Variants in TMEM239 observed in about 807,000 individuals in gnomAD.
The protein encoded by TMEM239 is transmembrane protein 239.
A neutral mutation model predicts 14.6 loss-of-function variants in TMEM239; 10 were observed. That is an observed-to-expected ratio of 0.68 (90% CI 0.42 to 1.16). The LOEUF (loss-of-function observed/expected upper bound fraction) is 1.16, where lower values mean the gene tolerates loss of function less well. Among genes scored for constraint, TMEM239 ranks in the 50% most tolerant of loss-of-function variants. TMEM239 has a pLI of 0.00. For synonymous variants in TMEM239, 94 were observed against 89.9 expected (o/e 1.05, Z -0.26); for missense variants, 183 against 194.4 (o/e 0.94, Z 0.35).
chr20:2,819,411 A>G (rs1233191520), downstream of TMEM239: 1 of 152,188 alleles, frequency 6.6e-6, no homozygotes, highest in African/African-American at 2.4e-5. Context: ...AATTAGATCC[A>G]CATATACCCT....
At chr20:2,815,835 G>GT, upstream of TMEM239, 1 of 1,360,774 alleles carries the variant, frequency 7.3e-7, no homozygotes, top group Non-Finnish European at 1.0e-6. Context: ...TCTTCATCAG[G>GT]CCCCCTTTTC....
chr20:2,815,855 G>A, upstream of TMEM239: 1 of 1,194,090 alleles, frequency 8.4e-7, no homozygotes, highest in Non-Finnish European at 1.2e-6. Context: ...CTCCTTCCTG[G>A]CTGGGCAGGT....
In TMEM239 at chr20:2,816,645, C is replaced by T. The variant is rs1388349827; in HGVS notation, c.91C>T (p.His31Tyr). 10 of 1,541,226 alleles carry T rather than the reference C, an allele frequency of 6.5e-6. No homozygotes were observed. The change falls in exon 2 of 2, where the codon CAT becomes TAT. Residue 31 changes from histidine (H) to tyrosine (Y), a missense_variant. Transcript: ENST00000380585. ...GCCCTGGTCAGCCTGGGTCACGAGG[C>T]ATGGCTGGGTGCGCTGGTGGGTGAG... ...AVPWSAWVTR[H>Y]GWVRWWVSHM...
At chr20:2,819,313 C>G (rs987925056), downstream of TMEM239, 1 of 152,272 alleles carries the variant, frequency 6.6e-6, no homozygotes, top group Non-Finnish European at 1.5e-5. Flanking sequence ...CCTTTCCCCA[C>G]AGACTATATA....
At position 2,816,713 on chromosome 20, in the gene TMEM239, C is replaced by A. The variant is rs1238102307; in HGVS notation, c.159C>A (p.Asn53Lys). ...GGATCCAGTGGTGGAGCACCTCGAA[C>A]TGGCGGCAACCGCTGCAGCGCCTGC... The part of the protein sequence containing the change: ...PSWIQWWSTS[N>K]WRQPLQRLLW... Residue 53 changes from asparagine (N) to lysine (K), a missense_variant, in exon 2 of 2, where the codon AAC becomes AAA. Asn to Lys is a moderately conservative substitution (Grantham distance 94). Coordinates refer to ENST00000380585, the MANE Select transcript of TMEM239 (RefSeq NM_001167670.3). The A allele has an allele frequency of 1.4e-5, 22 of 1,547,626 alleles. No individual in the cohort carries two copies. The highest frequency in any genetic ancestry group is 1.8e-5 in the Non-Finnish European group (21 of 1,145,776).
At chr20:2,819,791 GT>G, downstream of TMEM239, 1 of 152,032 alleles carries the variant, frequency 6.6e-6, no homozygotes, top group South Asian at 2.1e-4. Flanking sequence ...GGCCAGGCTG[GT>G]CTTGAATCCC....
chr20:2,819,164 G>C (rs2088703666), downstream of TMEM239: 1 of 152,254 alleles, frequency 6.6e-6, no homozygotes, highest in Non-Finnish European at 1.5e-5. Context: ...ATCCATCATT[G>C]ACTTGGCCAT....
At chr20:2,816,229 G>T, upstream of TMEM239, 1 of 977,554 alleles carries the variant, frequency 1.0e-6, no homozygotes, top group Non-Finnish European at 1.5e-6. Flanking sequence ...GAGGGTCCGT[G>T]CAGAGGGACT....
At chr20:2,819,072 C>T (rs1003677307), downstream of TMEM239, 4 of 152,268 alleles carry the variant, frequency 2.6e-5, no homozygotes, top group Non-Finnish European at 5.9e-5. Flanking sequence ...CTAGGGAAGT[C>T]ATGAGTCAAG....
In TMEM239 at chr20:2,816,780, ATGT is replaced by A. The variant is rs909973740; in HGVS notation, c.230_232del (p.Leu77del). The stretch of plus-strand genomic sequence containing the variant: ...GATACTCTACCTGCTGCTGGCACTG[ATGT>A]TGTGCCATGCACTCTTCACCACTGG... On this transcript the variant is annotated inframe_deletion, in exon 2 of 2. Transcript: ENST00000380585. 2.6e-6 allele frequency: 4 copies of A among 1,550,980 alleles called. No individual in the cohort carries two copies. The highest frequency in any genetic ancestry group is 2.0e-5 in the Admixed American group (1 of 50,976).
chr20:2,816,198 C>A, upstream of TMEM239: 1 of 711,130 alleles, frequency 1.4e-6, no homozygotes, highest in Non-Finnish European at 2.3e-6. Context: ...TGCGGGGCTC[C>A]GAGGCTCCCC....
At chr20:2,815,846 TCC>T, upstream of TMEM239, 33 of 1,365,632 alleles carry the variant, frequency 2.4e-5, no homozygotes, top group African/African-American at 2.9e-5. Context: ...CCCCCTTTTC[TCC>T]TTCCTGGCTG....
chr20:2,816,227 G>C, upstream of TMEM239: 1 of 959,660 alleles, frequency 1.0e-6, no homozygotes. Context: ...TGGAGGGTCC[G>C]TGCAGAGGGA....
At chr20:2,819,193 G>A (rs1026222576), downstream of TMEM239, 9 of 152,276 alleles carry the variant, frequency 5.9e-5, no homozygotes, top group Admixed American at 6.5e-5. Flanking sequence ...AGCCAGGGAC[G>A]TTGCTCTGGA....
chr20:2,816,359 C>G (rs1178416304), upstream of TMEM239: 1 of 1,535,862 alleles, frequency 6.5e-7, no homozygotes, highest in Non-Finnish European at 8.7e-7. Context: ...TTGGATCTGC[C>G]TGCCAGGCCG....
At chr20:2,816,251 C>T, upstream of TMEM239, 2 of 1,290,348 alleles carry the variant, frequency 1.5e-6, no homozygotes, top group South Asian at 1.3e-5. Context: ...GGGTGGGCCT[C>T]ACACCCTACA....
chr20:2,816,285 C>G, upstream of TMEM239: 2 of 1,497,892 alleles, frequency 1.3e-6, no homozygotes, highest in South Asian at 1.2e-5. Flanking sequence ...TGGCTGGACC[C>G]CACCCCAGCC....
chr20:2,816,563 G>A lies in TMEM239; in HGVS notation c.9G>A (p.Gln3=). ...CCCCAGGTGCACCAGACATGATGCA[G>A]CAGCCGCGAGTGGAGACAGATACCA... MM[Q]QPRVETDTIG... Residue 3 remains glutamine, a synonymous_variant, in exon 2 of 2, where the codon CAG becomes CAA. Coordinates refer to ENST00000380585, the MANE Select transcript of TMEM239 (RefSeq NM_001167670.3). 1 of 1,406,046 alleles carries A rather than the reference G, an allele frequency of 7.1e-7. No individual in the cohort carries two copies. The highest frequency in any genetic ancestry group is 9.4e-7 in the Non-Finnish European group (1 of 1,064,238). The allele number at this position is 1,406,046 out of a possible 1,614,324, so 87.1% of individuals were successfully genotyped here.
rs1024378706 is a variant in TMEM239 at position 2,816,636 on chromosome 20, G to A, written c.82G>A (p.Val28Ile). The change falls in exon 2 of 2, where the codon GTC (valine) becomes ATC (isoleucine). Residue 28 changes from valine to isoleucine, a missense_variant. Coordinates refer to ENST00000380585, the MANE Select transcript of TMEM239 (RefSeq NM_001167670.3). ...GCAGGCAGTGCCCTGGTCAGCCTGG[G>A]TCACGAGGCATGGCTGGGTGCGCTG... ...PQQAVPWSAW[V>I]TRHGWVRWWV... The A allele has an allele frequency of 3.9e-6, 6 of 1,540,626 alleles. No individual in the cohort carries two copies. In the African/African-American group the frequency reaches 4.1e-5, roughly 11 times the overall value.
Sources: gnomAD v4.1 joint callset for allele counts on GRCh38, gnomAD v4.1.1 for gene constraint, MANE v1.5 for transcripts, NCBI Gene and HGNC (gene_info 2026-07-23, HGNC 2026-07-21) for gene names.